Variants in ARHGAP25 observed in about 807,000 individuals in gnomAD.
The protein encoded by ARHGAP25 is rho GTPase-activating protein 25.
ARHGAP25 carries 34 observed loss-of-function variants against 71.0 expected under a neutral mutation model. The observed-to-expected ratio is 0.48, with a 90% CI of 0.36 to 0.64. The LOEUF is 0.64. Among genes scored for constraint, ARHGAP25 ranks in the 30% least tolerant of loss-of-function variants. ARHGAP25 has a pLI of 0.00. For missense variants in ARHGAP25, 706 were observed against 805.1 expected, an observed-to-expected ratio of 0.88 and a Z score of 1.49; for synonymous variants, 282 against 296.5, an observed-to-expected ratio of 0.95 and a Z score of 0.50.
intron 3 of ARHGAP25, 138 bp from the exon 4 acceptor site, chr2:68,787,702 C>T (rs1040407739): frequency 1.7e-5 from 12 of 709,972 alleles, no homozygotes; most frequent in African/African-American, 8.7e-5. Context: ...GAGGATAATT[C>T]GACAATGCAT....
chr2:68,730,554 G>A (rs959841437), upstream of ARHGAP25, among the ~76,000 whole-genome samples: 2 of 151,938 alleles, frequency 1.3e-5, no homozygotes, highest in Admixed American at 6.6e-5. Context: ...ATAGGCCAAG[G>A]CGTGAGGATT....
intron 2 of ARHGAP25, among the ~76,000 whole-genome samples, chr2:68,781,071 A>G (rs916700843): frequency 1.3e-5 from 2 of 152,094 alleles, no homozygotes; most frequent in African/African-American, 4.8e-5. Flanking sequence ...CTGGATATGG[A>G]GTTGTTGTGG....
At chr2:68,725,734 TCC>T (rs1341514133) in intron 2 of ARHGAP25, among the ~76,000 whole-genome samples, 3 of 152,164 alleles carry the variant, frequency 2.0e-5, no homozygotes, top group African/African-American at 7.2e-5. Flanking sequence ...ATACAATTCG[TCC>T]CCTATTACCT....
intron 2 of ARHGAP25, among the ~76,000 whole-genome samples, chr2:68,780,698 T>C (rs1222661561): frequency 6.6e-6 from 1 of 151,942 alleles, no homozygotes; most frequent in African/African-American, 2.4e-5. Context: ...CTTCCCCTCC[T>C]CCTCCTCTTC....
upstream of ARHGAP25, among the ~76,000 whole-genome samples, chr2:68,732,784 G>T (rs1303158820): frequency 6.6e-6 from 1 of 152,188 alleles, no homozygotes; most frequent in East Asian, 1.9e-4. Flanking sequence ...TGTGCGCAGA[G>T]GCGTTAAATG....
intron 2 of ARHGAP25, among the ~76,000 whole-genome samples, chr2:68,781,257 G>A (rs1281548277): frequency 1.3e-5 from 2 of 152,130 alleles, no homozygotes; most frequent in Non-Finnish European, 2.9e-5. Context: ...AGACGCAGTG[G>A]TGAGCGCCTG....
At chr2:68,825,600 C>G (rs1440950379) in intron 10 of ARHGAP25, among the ~76,000 whole-genome samples, 1 of 151,830 alleles carries the variant, frequency 6.6e-6, no homozygotes, top group Non-Finnish European at 1.5e-5. Context: ...CCTGTCTCTA[C>G]TAAAAATACA....
chr2:68,815,149 G>A (rs1424823141), intron 6 of ARHGAP25, among the ~76,000 whole-genome samples: 1 of 152,210 alleles, frequency 6.6e-6, no homozygotes, highest in Non-Finnish European at 1.5e-5. Context: ...ATCTTTGAGA[G>A]TTTCCACATC....
intron 4 of ARHGAP25, among the ~76,000 whole-genome samples, chr2:68,794,983 C>A (rs1200021671): frequency 6.6e-6 from 1 of 152,038 alleles, no homozygotes; most frequent in Non-Finnish European, 1.5e-5. Flanking sequence ...CTTTCTATTT[C>A]TTTCTGCTTC....
chr2:68,826,321 A>G lies in ARHGAP25; in HGVS notation c.*127A>G, dbSNP rs1483059789. ...GAAAGGACATTTGAGGGAAACATCAAATTTCCCCATAAATAAATGAATGGA... is the reference window on the plus strand; with the variant it reads ...GAAAGGACATTTGAGGGAAACATCAGATTTCCCCATAAATAAATGAATGGA... On this transcript the variant is annotated 3_prime_UTR_variant, in exon 11 of 11. Coordinates refer to ENST00000409202, the MANE Select transcript of ARHGAP25 (RefSeq NM_001007231.3). The G allele has an allele frequency of 1.1e-6, 1 of 894,036 alleles. No homozygotes were observed. The highest frequency in any genetic ancestry group is 1.8e-6 in the Non-Finnish European group (1 of 551,590). The allele number at this position is 894,036 out of a possible 1,614,324, so 55.4% of individuals were successfully genotyped here.
intron 1 of ARHGAP25, among the ~76,000 whole-genome samples, chr2:68,774,605 C>T (rs918275000): frequency 5.3e-5 from 8 of 152,210 alleles, no homozygotes; most frequent in Non-Finnish European, 1.2e-4. Context: ...CAGGAGAATT[C>T]AGAAGGTGCC....
In ARHGAP25 at chr2:68,734,944, G is replaced by A. The variant is rs1349776098; in HGVS notation, c.-256G>A. The A allele has an allele frequency of 3.5e-6, 2 of 566,700 alleles. No homozygotes were observed. Among genetic ancestry groups the A allele is most frequent in the East Asian group, 2.9e-5 (1 of 33,954 alleles). The allele number at this position is 566,700 out of a possible 1,614,324, so 35.1% of individuals were successfully genotyped here. A position where few individuals can be genotyped will look rare whatever the true frequency, so the allele number is the denominator to read the frequency against. On this transcript the variant is annotated 5_prime_UTR_variant, in exon 1 of 11. An upstream open reading frame in the 5' UTR loses its in-frame stop. Transcript: ENST00000409202. ...TGAAAGCAAGAAAAGCAGGGTGCTA[G>A]CCCCTGTGGGACTGAGGGTGGAGGC...
intron 1 of ARHGAP25, among the ~76,000 whole-genome samples, chr2:68,750,889 C>T (rs1451397690): frequency 6.6e-6 from 1 of 152,148 alleles, no homozygotes; most frequent in Non-Finnish European, 1.5e-5. Flanking sequence ...AAGCTTTTTG[C>T]TTATAATGTG....
At chr2:68,809,684 G>A (rs1202174359) in intron 5 of ARHGAP25, among the ~76,000 whole-genome samples, 1 of 152,112 alleles carries the variant, frequency 6.6e-6, no homozygotes, top group Non-Finnish European at 1.5e-5. Flanking sequence ...TCAGTGGGTG[G>A]AAGAAGGGGT....
At chr2:68,757,825 T>C (rs1558617644) in intron 1 of ARHGAP25, 1 of 152,090 alleles carries the variant, frequency 6.6e-6, no homozygotes, top group African/African-American at 2.4e-5. Context: ...GCAATCATTT[T>C]AAAAACAATT....
intron 2 of ARHGAP25, among the ~76,000 whole-genome samples, chr2:68,782,023 GCAC>G (rs1336785258): frequency 1.3e-5 from 2 of 152,140 alleles, no homozygotes; most frequent in Non-Finnish European, 2.9e-5. Context: ...CTTTCTCTGG[GCAC>G]CTGATTTGCT....
intron 4 of ARHGAP25, among the ~76,000 whole-genome samples, chr2:68,806,066 C>T (rs1680340271): frequency 6.6e-6 from 1 of 152,146 alleles, no homozygotes; most frequent in South Asian, 2.1e-4. Context: ...GTGGAGCTGG[C>T]CCACACTTGC....
intron 1 of ARHGAP25, 35 bp downstream of exon 1, chr2:68,735,295 C>T (rs1245661819): frequency 5.7e-6 from 9 of 1,589,806 alleles, no homozygotes; most frequent in African/African-American, 1.3e-5. Context: ...CTCTGTGATT[C>T]TTACGTATAC....
chr2:68,742,418 G>A (rs1015359170), intron 1 of ARHGAP25, among the ~76,000 whole-genome samples: 1 of 152,200 alleles, frequency 6.6e-6, no homozygotes, highest in African/African-American at 2.4e-5. Flanking sequence ...TGGCTTTGGG[G>A]CCAGAATGCC....
Sources: allele counts gnomAD v4.1 joint callset (sites outside exome capture counted in the v4.1 genomes callset), GRCh38; gene constraint gnomAD v4.1.1; transcripts MANE v1.5; gene names NCBI Gene and HGNC (gene_info 2026-07-23, HGNC 2026-07-21).